The following NAPEPLD variants were observed in gnomAD, a reference collection of about 807,000 sequenced individuals.
NAPEPLD encodes N-acyl phosphatidylethanolamine phospholipase D.
Under a neutral mutation model 38.1 loss-of-function variants are expected in NAPEPLD, and 23 were observed. The observed-to-expected ratio is 0.60, with a 90% CI of 0.43 to 0.86. The LOEUF is 0.86. NAPEPLD is among the 40% of genes least tolerant of loss of function. NAPEPLD has a pLI of 0.00. For synonymous variants in NAPEPLD, 147 were observed against 162.0 expected (o/e 0.91, Z 0.71); for missense variants, 411 against 476.8 (o/e 0.86, Z 1.28).
chr7:103,103,350 C>A lies in NAPEPLD; in HGVS notation c.*79G>T, dbSNP rs930174498. ...CCAAATGTAAAATAATCACAATATT[C>A]ATGAATTTCTAAGTCTTTTCATTTG... On this transcript the variant is annotated 3_prime_UTR_variant, in exon 5 of 5. Transcript: ENST00000465647. 7 of 1,409,458 alleles carry A rather than the reference C, an allele frequency of 5.0e-6. No homozygotes were observed. Among genetic ancestry groups the A allele is most frequent in the Non-Finnish European group, 6.7e-6 (7 of 1,051,018 alleles). 87.3% of individuals were successfully genotyped at this position (1,409,458 alleles called of 1,614,324 possible).
chr7:103,120,221 T>A lies in NAPEPLD; in HGVS notation c.297A>T (p.Glu99Asp), dbSNP rs759077291. 4 of 1,608,600 alleles carry A rather than the reference T, an allele frequency of 2.5e-6. No individual in the cohort carries two copies. In the Admixed American group the frequency reaches 6.7e-5, roughly 27 times the overall value. Residue 99 changes from glutamate (E) to aspartate (D), a missense_variant and splice_region_variant, in exon 3 of 5, where the codon GAA becomes GAT. By Grantham distance (45) the Glu-to-Asp change is conservative. Coordinates refer to ENST00000465647, the MANE Select transcript of NAPEPLD (RefSeq NM_001122838.3). ...TAAGCACTGGGAGTTCTTTGTCTAGTTCCTTTGTGTATAAAGAAAGCAAGA... is the reference window on the plus strand; with the variant it reads ...TAAGCACTGGGAGTTCTTTGTCTAGATCCTTTGTGTATAAAGAAAGCAAGA... Reference protein sequence around the residue: ...DHSSVPSSKEELDKELPVLKP... With the variant: ...DHSSVPSSKEDLDKELPVLKP...
chr7:103,100,414 G>C lies in NAPEPLD; in HGVS notation c.*3015C>G, dbSNP rs1244559490. ...CACACTCCCTAGAGATCAGAGCATT[G>C]AGTCTGAAATGTCAAAATGCTAGAG... On this transcript the variant is annotated 3_prime_UTR_variant, in exon 5 of 5. Transcript: ENST00000465647. 2.0e-5 allele frequency: 3 copies of C among 152,172 alleles called. No homozygotes were observed. The highest frequency in any genetic ancestry group is 4.4e-5 in the Non-Finnish European group (3 of 68,030). The allele number at this position is 152,172 out of a possible 1,614,324, so 9.4% of individuals were successfully genotyped here.
In NAPEPLD at chr7:103,128,559, T is replaced by C; in HGVS notation, c.218A>G (p.Lys73Arg). The C allele has an allele frequency of 6.2e-7, 1 of 1,614,226 alleles. No individual in the cohort carries two copies. The highest frequency in any genetic ancestry group is 8.5e-7 in the Non-Finnish European group (1 of 1,180,036). ...GRFVNPWPTW[K>R]NPSIPNVLRW... ...GAGAACATTTGGAATAGAGGGGTTT[T>C]TCCATGTTGGCCACGGATTCACAAA... is the stretch of plus-strand genomic sequence containing the variant. Residue 73 changes from lysine to arginine, a missense_variant, in exon 2 of 5, where the codon AAA (lysine) becomes AGA (arginine). Coordinates refer to ENST00000465647, the MANE Select transcript of NAPEPLD (RefSeq NM_001122838.3).
Position 103,139,155 on chromosome 7 carries a change from A to G in NAPEPLD, c.-17+9656T>C, listed in dbSNP as rs1201640645. Among the ~76,000 whole-genome samples, 3 of 152,246 alleles carry G rather than the reference A, an allele frequency of 2.0e-5. No homozygotes were observed. In the East Asian group the frequency reaches 5.8e-4, roughly 29 times the overall value. On this transcript the variant is annotated intron_variant, in intron 1 of 4. Transcript: ENST00000465647. ...ACATATAAATCTGATACAAATAGCCATTAGATTTTCAAACTTAAAAAGATT... is the reference window on the plus strand; with the variant it reads ...ACATATAAATCTGATACAAATAGCCGTTAGATTTTCAAACTTAAAAAGATT...
chr7:103,133,318 A>G (rs1809368351), intron 1 of NAPEPLD, among the ~76,000 whole-genome samples: 1 of 152,210 alleles, frequency 6.6e-6, no homozygotes, highest in African/African-American at 2.4e-5. Context: ...CAGATGTTAA[A>G]GCAACACAAA....
At chr7:103,149,381 C>G (rs1481258136), upstream of NAPEPLD, 1 of 1,170,366 alleles carries the variant, frequency 8.5e-7, no homozygotes, top group Non-Finnish European at 1.1e-6. Flanking sequence ...GGGGCGACCG[C>G]GGCAGGCGCT....
intron 2 of NAPEPLD, chr7:103,127,214 T>G (rs1042205218): frequency 6.6e-6 from 1 of 151,968 alleles, no homozygotes; most frequent in African/African-American, 2.4e-5. Context: ...TCAAAGTCTC[T>G]AGAGAGAAAA....
chr7:103,149,522 C>G (rs1813303703), upstream of NAPEPLD: 1 of 1,256,978 alleles, frequency 8.0e-7, no homozygotes, highest in South Asian at 1.3e-5. Context: ...CTTATTATGA[C>G]CTTCGAATCT....
chr7:103,118,832 A>T (rs1806051101), intron 3 of NAPEPLD, among the ~76,000 whole-genome samples: 1 of 152,200 alleles, frequency 6.6e-6, no homozygotes, highest in Non-Finnish European at 1.5e-5. Context: ...GTCCAATGAG[A>T]GTGTGACCTT....
intron 1 of NAPEPLD, chr7:103,141,884 T>C: frequency 9.7e-7 from 1 of 1,027,042 alleles, no homozygotes; most frequent in Non-Finnish European, 1.6e-6. Context: ...GATATTCTTC[T>C]TGCCACAGCA....
rs1802302410 is a variant in NAPEPLD, at chr7:103,100,899, G to A, written c.*2530C>T. ...GTGTCAGTGTAGAAAGAACATGAGT[G>A]GTAATAAAAAATTACAGCTTACAAA... On this transcript the variant is annotated 3_prime_UTR_variant, in exon 5 of 5. Transcript: ENST00000465647. The A allele has an allele frequency of 6.6e-6, 1 of 152,088 alleles. No individual in the cohort carries two copies. Among genetic ancestry groups the A allele is most frequent in the African/African-American group, 2.4e-5 (1 of 41,394 alleles). 9.4% of individuals were successfully genotyped at this position (152,088 alleles called of 1,614,324 possible).
At chr7:103,116,638 A>G (rs548342552) in intron 3 of NAPEPLD, among the ~76,000 whole-genome samples, 1 of 152,370 alleles carries the variant, frequency 6.6e-6, no homozygotes, top group Admixed American at 6.5e-5. Context: ...TTATTTAATC[A>G]TAAAACTGAA....
intron 2 of NAPEPLD, among the ~76,000 whole-genome samples, chr7:103,122,464 G>C (rs1806912435): frequency 1.3e-5 from 2 of 152,192 alleles, no homozygotes; most frequent in South Asian, 4.1e-4. Context: ...AGATGCTGGT[G>C]AAGGGAAACT....
At chr7:103,143,623 G>A (rs992757167) in intron 1 of NAPEPLD, among the ~76,000 whole-genome samples, 3 of 152,200 alleles carry the variant, frequency 2.0e-5, no homozygotes, top group Non-Finnish European at 2.9e-5. Context: ...CTTGAGCCAG[G>A]AGGGTGCCAC....
At chr7:103,107,490 G>C (rs982778651) in intron 4 of NAPEPLD, among the ~76,000 whole-genome samples, 3 of 152,102 alleles carry the variant, frequency 2.0e-5, no homozygotes, top group African/African-American at 7.2e-5. Flanking sequence ...ATGCAAGGAA[G>C]CTAAGAACCT....
intron 1 of NAPEPLD, among the ~76,000 whole-genome samples, chr7:103,137,886 T>A (rs977364062): frequency 1.4e-5 from 2 of 147,068 alleles, no homozygotes; most frequent in African/African-American, 2.5e-5. Flanking sequence ...CAAAAAAAGG[T>A]TGGGGGAGGA....
chr7:103,141,468 G>C (rs1350059622), intron 1 of NAPEPLD: 1 of 1,189,520 alleles, frequency 8.4e-7, no homozygotes, highest in South Asian at 1.2e-5. Flanking sequence ...GCCTCAGCCT[G>C]ATCAGCCAGG....
chr7:103,106,288 C>G (rs1216000031), intron 4 of NAPEPLD, among the ~76,000 whole-genome samples: 1 of 152,144 alleles, frequency 6.6e-6, no homozygotes, highest in Admixed American at 6.5e-5. Flanking sequence ...CCCACCAGGG[C>G]CCTGGGTTTC....
Position 103,144,748 on chromosome 7 carries a change from C to A in NAPEPLD, c.-17+4063G>T, listed in dbSNP as rs1475649023. The stretch of plus-strand genomic sequence containing the variant: ...TTAGGCCAGGTGTGGTGGCTCACAC[C>A]TGTAATCCCAGCACTTTCAGAGGCT... On this transcript the variant is annotated intron_variant, in intron 1 of 4. Transcript: ENST00000465647. Among the ~76,000 whole-genome samples, 3 of 151,728 alleles carry A rather than the reference C, an allele frequency of 2.0e-5. No individual in the cohort carries two copies. The East Asian group carries it at 5.8e-4, about 29-fold the overall frequency.
Sources: allele counts gnomAD v4.1 joint callset (sites outside exome capture counted in the v4.1 genomes callset), GRCh38; gene constraint gnomAD v4.1.1; transcripts MANE v1.5; gene names NCBI Gene and HGNC (gene_info 2026-07-23, HGNC 2026-07-21).